The following MLXIP variants were observed in gnomAD, a reference collection of about 807,000 sequenced individuals.
MLXIP encodes MLX-interacting protein.
MLXIP carries 30 observed loss-of-function variants against 87.2 expected under a neutral mutation model. That is an observed-to-expected ratio of 0.34 (90% CI 0.26 to 0.47). The LOEUF is 0.47. Ranked by LOEUF, MLXIP falls within the 20% of genes least tolerant of loss-of-function variation. MLXIP has a pLI of 1.00. For synonymous variants in MLXIP, 530 were observed against 514.0 expected (o/e 1.03, Z -0.42); for missense variants, 1,002 against 1,240.1 (o/e 0.81, Z 2.88).
At chr12:122,081,795 C>A (rs1011190626) in intron 1 of MLXIP, among the ~76,000 whole-genome samples, 9 of 152,190 alleles carry the variant, frequency 5.9e-5, no homozygotes, top group Admixed American at 5.2e-4. Flanking sequence ...CCCTCCTGCC[C>A]GAGCTGAGAA....
At position 122,135,193 on chromosome 12, in the gene MLXIP, C is replaced by CT. The variant is rs1305811148; in HGVS notation, c.1733-30dup. ...GTGGGCCAGGCCCTGTGGCCCAGGG[C>CT]TGCACCTGAACATCCTCCTTATCCT... On this transcript the variant is annotated intron_variant, in intron 9 of 16. Transcript: ENST00000319080. This position sits in a 1 kb window ranked among gnomAD's most constrained non-coding sequence, Gnocchi z 5.3. 6.2e-7 allele frequency: 1 copy of CT among 1,609,462 alleles called. No homozygotes were observed. Among genetic ancestry groups the CT allele is most frequent in the Admixed American group, 1.7e-5 (1 of 59,466 alleles).
chr12:122,104,000 C>T (rs1037348888), intron 1 of MLXIP, among the ~76,000 whole-genome samples: 1 of 152,102 alleles, frequency 6.6e-6, no homozygotes, highest in Non-Finnish European at 1.5e-5. Flanking sequence ...AATGAGTGAA[C>T]TGTGTGGTAT....
Position 122,127,304 on chromosome 12 carries a change from A to G in MLXIP, c.462A>G (p.Leu154=), listed in dbSNP as rs1355897814. Residue 154 remains leucine (L), a synonymous_variant, in exon 2 of 17, where the codon CTA becomes CTG. Coordinates refer to ENST00000319080, the MANE Select transcript of MLXIP (RefSeq NM_014938.6). ...GGAAGAATTTCAAGGGCCTGAAGCT[A>G]CAGTGGAGAGACAAGATCCGGCTCA... The part of the protein sequence containing the change: ...PKWKNFKGLK[L]QWRDKIRLNN... 1.9e-6 allele frequency: 3 copies of G among 1,613,924 alleles called. No individual in the cohort carries two copies. Among genetic ancestry groups the G allele is most frequent in the East Asian group, 4.5e-5 (2 of 44,870 alleles).
At chr12:122,105,711 C>A (rs962410567) in intron 1 of MLXIP, among the ~76,000 whole-genome samples, 2 of 151,436 alleles carry the variant, frequency 1.3e-5, no homozygotes, top group East Asian at 2.0e-4. Context: ...CTTTTAGAGG[C>A]GGAGCTTGCA....
In MLXIP at chr12:122,084,147, TG is replaced by T. The variant is rs1952132148; in HGVS notation, c.413+4882del. Among the ~76,000 whole-genome samples the T allele has an allele frequency of 6.6e-4, 5 of 7,588 alleles. No homozygotes were observed. The Non-Finnish European group carries it at 6.8e-3, about 10-fold the overall frequency. The allele number at this position is 7,588 out of a possible 152,430, so 5.0% of individuals were successfully genotyped here. On this transcript the variant is annotated intron_variant, in intron 1 of 16. Transcript: ENST00000319080. ...CGGGAAGGATATCTCAGCCAGATTGTGTGTGTGTGTGTGTGTGTGTGTGTGT... is the reference window on the plus strand; with the variant it reads ...CGGGAAGGATATCTCAGCCAGATTGTTGTGTGTGTGTGTGTGTGTGTGTGT...
rs1230778895 is a variant in MLXIP at position 122,141,680 on chromosome 12, C to T, written c.2639-11C>T. 6.2e-7 allele frequency: 1 copy of T among 1,613,108 alleles called. No homozygotes were observed. Among genetic ancestry groups the T allele is most frequent in the Non-Finnish European group, 8.5e-7 (1 of 1,179,492 alleles). Reference sequence around the variant, plus strand: ...TGTCACTGCCTGTGTCTGACCCTTTCTGTCTTGCAGTGGTATTGAGCACGC... The same window carrying T: ...TGTCACTGCCTGTGTCTGACCCTTTTTGTCTTGCAGTGGTATTGAGCACGC... On this transcript the variant is annotated splice_polypyrimidine_tract_variant and intron_variant, in intron 16 of 16. Coordinates refer to ENST00000319080, the MANE Select transcript of MLXIP (RefSeq NM_014938.6).
rs1013193052 is a variant in MLXIP, at chr12:122,146,394, A to G, written c.*4582A>G. 6.6e-6 allele frequency: 1 copy of G among 152,418 alleles called. No homozygotes were observed. The highest frequency in any genetic ancestry group is 1.5e-5 in the Non-Finnish European group (1 of 68,266). 9.4% of individuals were successfully genotyped at this position (152,418 alleles called of 1,614,324 possible). A position where few individuals can be genotyped will look rare whatever the true frequency, so the allele number is the denominator to read the frequency against. ...GCATGGGGCACATGGTAAGCTTGGC[A>G]AGGGCTCCAGGAACGCTGACGAAGG... On this transcript the variant is annotated 3_prime_UTR_variant, in exon 17 of 17. Transcript: ENST00000319080.
intron 1 of MLXIP, among the ~76,000 whole-genome samples, chr12:122,098,405 G>A (rs776145899): frequency 4.6e-5 from 7 of 152,222 alleles, no homozygotes; most frequent in Non-Finnish European, 1.0e-4. Flanking sequence ...CCTCCCAGAC[G>A]ACTGGAAGAT....
In MLXIP at chr12:122,130,940, A is replaced by G. The variant is rs149214437; in HGVS notation, c.1000+7A>G. ...ACCTTTGAGCCTTTCCAGGGTGAGGACCAGAGGCAGAGAGAGCACGGTTGC... is the reference window on the plus strand; with the variant it reads ...ACCTTTGAGCCTTTCCAGGGTGAGGGCCAGAGGCAGAGAGAGCACGGTTGC... On this transcript the variant is annotated splice_region_variant and intron_variant, in intron 7 of 16. Coordinates refer to ENST00000319080, the MANE Select transcript of MLXIP (RefSeq NM_014938.6). The G allele has an allele frequency of 1.1e-3, 1,725 of 1,604,718 alleles. 3 individuals are homozygous for G. The highest frequency in any genetic ancestry group is 1.4e-3 in the Non-Finnish European group (1,627 of 1,171,412).
In MLXIP at chr12:122,135,087, A is replaced by G; in HGVS notation, c.1733-137A>G. The G allele has an allele frequency of 9.7e-7, 1 of 1,031,682 alleles. No homozygotes were observed. The highest frequency in any genetic ancestry group is 1.5e-6 in the Non-Finnish European group (1 of 684,192). The allele number at this position is 1,031,682 out of a possible 1,614,324, so 63.9% of individuals were successfully genotyped here. ...TTCAAGAAGTCACACAAATGGTTTT[A>G]GGTGCCTTGGTGGCTTTGTCTTCCT... is the stretch of plus-strand genomic sequence containing the variant. On this transcript the variant is annotated intron_variant, in intron 9 of 16. Transcript: ENST00000319080. This position sits in a 1 kb window ranked among gnomAD's most constrained non-coding sequence, Gnocchi z 5.3.
chr12:122,086,663 G>A (rs1347892822), intron 1 of MLXIP, among the ~76,000 whole-genome samples: 1 of 152,166 alleles, frequency 6.6e-6, no homozygotes, highest in Non-Finnish European at 1.5e-5. Flanking sequence ...TCAGGCCACA[G>A]GGTGTGTGTT....
At chr12:122,138,163 C>T (rs1473683244) in intron 12 of MLXIP, 31 bp from the exon 13 acceptor site, 1 of 1,557,834 alleles carries the variant, frequency 6.4e-7, no homozygotes, top group Non-Finnish European at 8.7e-7. Context: ...TGCAATGTGC[C>T]TGTCTTAGTG....
chr12:122,097,144 C>T (rs759990826), intron 1 of MLXIP, among the ~76,000 whole-genome samples: 12 of 152,080 alleles, frequency 7.9e-5, no homozygotes, highest in African/African-American at 2.7e-4. Context: ...AGCTTTTGGC[C>T]GAAGGCATGA....
intron 4 of MLXIP, 25 bp from the exon 5 acceptor site, chr12:122,129,563 C>T (rs1952937955): frequency 2.5e-6 from 4 of 1,612,744 alleles, no homozygotes; most frequent in African/African-American, 1.3e-5. Flanking sequence ...TTGGTGACCG[C>T]CGTGTCCTGT....
intron 1 of MLXIP, among the ~76,000 whole-genome samples, chr12:122,118,642 G>T (rs1454996463): frequency 6.6e-6 from 1 of 152,084 alleles, no homozygotes; most frequent in African/African-American, 2.4e-5. Context: ...GAGGTCAGGA[G>T]TTCGAGACCA....
chr12:122,087,202 A>G (rs901112477), intron 1 of MLXIP, among the ~76,000 whole-genome samples: 4 of 152,206 alleles, frequency 2.6e-5, no homozygotes, highest in African/African-American at 9.7e-5. Flanking sequence ...TCCCTCCAGA[A>G]GTATTAATCA....
rs994614469 is a variant in MLXIP, at chr12:122,141,901, G to A, written c.*89G>A. 5.9e-5 allele frequency: 91 copies of A among 1,553,470 alleles called. No individual in the cohort carries two copies. Among genetic ancestry groups the A allele is most frequent in the Middle Eastern group, 2.3e-4 (1 of 4,256 alleles). On this transcript the variant is annotated 3_prime_UTR_variant, in exon 17 of 17. Coordinates refer to ENST00000319080, the MANE Select transcript of MLXIP (RefSeq NM_014938.6). ...GCTGCGCCCCCCAGCCCTTCCTGACGCTCAGCCTCGGGGCCTCTCTCCAAC... is the reference window on the plus strand; with the variant it reads ...GCTGCGCCCCCCAGCCCTTCCTGACACTCAGCCTCGGGGCCTCTCTCCAAC...
At chr12:122,140,793 A>T (rs777687030) in intron 15 of MLXIP, 161 bp from the exon 16 acceptor site, 7 of 1,106,458 alleles carry the variant, frequency 6.3e-6, no homozygotes. Flanking sequence ...TGGAAGACAC[A>T]CCTTGCCTAG....
In MLXIP at chr12:122,137,355, G is replaced by C. The variant is rs1377874599; in HGVS notation, c.2033-114G>C. 8.7e-7 allele frequency: 1 copy of C among 1,149,616 alleles called. No homozygotes were observed. Among genetic ancestry groups the C allele is most frequent in the South Asian group, 1.7e-5 (1 of 59,298 alleles). The allele number at this position is 1,149,616 out of a possible 1,614,324, so 71.2% of individuals were successfully genotyped here. A position where few individuals can be genotyped will look rare whatever the true frequency, so the allele number is the denominator to read the frequency against. On this transcript the variant is annotated intron_variant, in intron 11 of 16. Coordinates refer to ENST00000319080, the MANE Select transcript of MLXIP (RefSeq NM_014938.6). This position sits in a 1 kb window ranked among gnomAD's most constrained non-coding sequence, Gnocchi z 4.1. Reference sequence around the variant, plus strand: ...ATGTGTGTGCAGTTGAAAGAACCAAGTGCAATACGTGGCTAGCAGCGAGCA... The same window carrying C: ...ATGTGTGTGCAGTTGAAAGAACCAACTGCAATACGTGGCTAGCAGCGAGCA...
Sources: allele counts gnomAD v4.1 joint callset (sites outside exome capture counted in the v4.1 genomes callset), GRCh38; gene constraint gnomAD v4.1.1; non-coding constraint Gnocchi (gnomAD v3.1); transcripts MANE v1.5; gene names NCBI Gene and HGNC (gene_info 2026-07-23, HGNC 2026-07-21).